ELMO1: variants seen among roughly 807,000 people sequenced by gnomAD.
ELMO1 encodes engulfment and cell motility protein 1.
In ELMO1, 26 loss-of-function variants were observed where a neutral mutation model predicts 98.9. The observed-to-expected ratio is 0.26, with a 90% CI of 0.19 to 0.36. The LOEUF is 0.36. Ranked by LOEUF, ELMO1 falls within the 10% of genes least tolerant of loss-of-function variation. ELMO1 has a pLI of 1.00. For synonymous variants in ELMO1, 346 were observed against 346.0 expected (o/e 1.00, Z 0.00); for missense variants, 627 against 935.2 (o/e 0.67, Z 4.30).
At position 37,315,318 on chromosome 7, in the gene ELMO1, C is replaced by A. The variant is rs191964200; in HGVS notation, c.120-396G>T. Among the ~76,000 whole-genome samples the A allele has an allele frequency of 4.4e-4, 67 of 152,296 alleles. 1 individual carries two copies. The Middle Eastern group carries it at 0.024, about 54-fold the overall frequency. ...TTTAATTGTCTCTGTATTCTACAAT[C>A]CCCTATCAGTATAGTTGATGCAGAT... On this transcript the variant is annotated intron_variant, in intron 3 of 21. Transcript: ENST00000310758.
At chr7:37,115,997 G>A (rs1160623459) in intron 14 of ELMO1, among the ~76,000 whole-genome samples, 2 of 152,116 alleles carry the variant, frequency 1.3e-5, no homozygotes, top group African/African-American at 2.4e-5. Context: ...GGATATATAC[G>A]AACCCTCTGT....
At chr7:37,103,937 C>G (rs186762104) in intron 14 of ELMO1, among the ~76,000 whole-genome samples, 45 of 132,426 alleles carry the variant, frequency 3.4e-4, no homozygotes, top group African/African-American at 1.2e-3. Context: ...CATGAACCCG[C>G]GAGGCGGAGC....
intron 1 of ELMO1, chr7:37,343,059 T>C (rs1800803998): frequency 4.6e-6 from 1 of 216,802 alleles, no homozygotes; most frequent in Admixed American, 5.2e-5. Flanking sequence ...TACCACTGAG[T>C]TCTGCTCTGA....
chr7:37,313,987 G>A (rs1799021509), intron 4 of ELMO1, among the ~76,000 whole-genome samples: 1 of 152,154 alleles, frequency 6.6e-6, no homozygotes. Context: ...AGACAAAACT[G>A]GCTCATATGC....
rs537114050 is a variant in ELMO1 at position 37,291,053 on chromosome 7, C to A, written c.193-19171G>T. Among the ~76,000 whole-genome samples the A allele has an allele frequency of 3.3e-5, 5 of 152,232 alleles. No homozygotes were observed. In the East Asian group the frequency reaches 7.7e-4, roughly 24 times the overall value. On this transcript the variant is annotated intron_variant, in intron 4 of 21. Coordinates refer to ENST00000310758, the MANE Select transcript of ELMO1 (RefSeq NM_014800.11). The stretch of plus-strand genomic sequence containing the variant: ...GGTACAAAATAGAGAGCCACAGAAA[C>A]CCCTATATTCACAAAACCTTGACAT...
At chr7:37,417,091 C>A (rs1046478611) in intron 1 of ELMO1, among the ~76,000 whole-genome samples, 2 of 152,148 alleles carry the variant, frequency 1.3e-5, no homozygotes, top group South Asian at 4.1e-4. Flanking sequence ...TAGAAGAGGG[C>A]ACCGTTTTAC....
At chr7:37,255,533 T>C (rs1462733032) in intron 6 of ELMO1, among the ~76,000 whole-genome samples, 2 of 152,240 alleles carry the variant, frequency 1.3e-5, no homozygotes, top group African/African-American at 4.8e-5. Flanking sequence ...TGTCGAAGTC[T>C]GTAACTGCCG....
At chr7:37,278,113 C>CTT (rs36110041) in intron 4 of ELMO1, among the ~76,000 whole-genome samples, 25,968 of 85,010 alleles carry the variant, frequency 0.31, 1,403 homozygotes, top group Non-Finnish European at 0.34. Context: ...ATAGCTTTTC[C>CTT]TTTTTTTTTT....
At chr7:37,209,627 G>A (rs1215707056) in intron 13 of ELMO1, among the ~76,000 whole-genome samples, 2 of 152,092 alleles carry the variant, frequency 1.3e-5, no homozygotes, top group Admixed American at 6.5e-5. Flanking sequence ...GGGTGATTTC[G>A]CAAAGCCTCC....
At chr7:36,885,775 G>A (rs770196827) in intron 18 of ELMO1, among the ~76,000 whole-genome samples, 2 of 152,150 alleles carry the variant, frequency 1.3e-5, no homozygotes, top group Non-Finnish European at 2.9e-5. Flanking sequence ...AAGACACCTA[G>A]GTGGTTATTT....
intron 1 of ELMO1, among the ~76,000 whole-genome samples, chr7:37,384,360 G>A (rs1170713405): frequency 6.6e-6 from 1 of 152,126 alleles, no homozygotes; most frequent in African/African-American, 2.4e-5. Context: ...ATTAGAAAAG[G>A]CACAACATTT....
chr7:37,298,209 A>G (rs1798147405), intron 4 of ELMO1, among the ~76,000 whole-genome samples: 1 of 151,740 alleles, frequency 6.6e-6, no homozygotes, highest in Non-Finnish European at 1.5e-5. Flanking sequence ...TGACAAGTCT[A>G]GAGCTACAAG....
At chr7:36,897,078 T>G (rs1007495591) in intron 16 of ELMO1, among the ~76,000 whole-genome samples, 2 of 152,218 alleles carry the variant, frequency 1.3e-5, no homozygotes, top group African/African-American at 4.8e-5. Flanking sequence ...ATGTGTTTCT[T>G]AAGGGGCTGT....
chr7:37,229,708 C>T (rs1476523217), intron 8 of ELMO1, among the ~76,000 whole-genome samples: 1 of 152,054 alleles, frequency 6.6e-6, no homozygotes, highest in Non-Finnish European at 1.5e-5. Flanking sequence ...AAAAGTTAAC[C>T]TTACAGAAAA....
chr7:36,975,488 T>C (rs1488182164), intron 16 of ELMO1, among the ~76,000 whole-genome samples: 1 of 149,930 alleles, frequency 6.7e-6, no homozygotes, highest in African/African-American at 2.5e-5. Context: ...AAACAGAAAA[T>C]TTTCATCAAA....
rs578247563 is a variant in ELMO1, at chr7:37,257,473, C to T, written c.413+1708G>A. 2.0e-4 allele frequency among the ~76,000 whole-genome samples: 30 copies of T among 151,150 alleles called. No individual in the cohort carries two copies. The South Asian group carries it at 6.0e-3, about 30-fold the overall frequency. Reference sequence around the variant, plus strand: ...GGCACGGTGGCTCACGCCTGTAATCCCAACACTTTGGGAAGCCGAAATGGG... The same window carrying T: ...GGCACGGTGGCTCACGCCTGTAATCTCAACACTTTGGGAAGCCGAAATGGG... On this transcript the variant is annotated intron_variant, in intron 6 of 21. Transcript: ENST00000310758.
At chr7:37,106,516 T>C (rs180980891) in intron 14 of ELMO1, among the ~76,000 whole-genome samples, 1 of 152,242 alleles carries the variant, frequency 6.6e-6, no homozygotes, top group East Asian at 1.9e-4. Flanking sequence ...ATCTTGGACT[T>C]CCTAGTCCCC....
chr7:37,023,330 C>T (rs974098082), intron 15 of ELMO1, among the ~76,000 whole-genome samples: 1 of 152,112 alleles, frequency 6.6e-6, no homozygotes, highest in African/African-American at 2.4e-5. Flanking sequence ...TCCTGTCTAT[C>T]CAGTAGACAA....
chr7:36,920,249 T>G (rs1785039426), intron 16 of ELMO1, among the ~76,000 whole-genome samples: 2 of 152,220 alleles, frequency 1.3e-5, no homozygotes, highest in Non-Finnish European at 2.9e-5. Flanking sequence ...AATGAGTGAA[T>G]GAAATAAGTT....
Sources: allele counts gnomAD v4.1 joint callset (sites outside exome capture counted in the v4.1 genomes callset), GRCh38; gene constraint gnomAD v4.1.1; transcripts MANE v1.5; gene names NCBI Gene and HGNC (gene_info 2026-07-23, HGNC 2026-07-21).